The following EXOC6 variants were observed in gnomAD, a reference collection of about 807,000 sequenced individuals.
The protein encoded by EXOC6 is SEC15-like 1.
Under a neutral mutation model 112.5 loss-of-function variants are expected in EXOC6, and 60 were observed. The ratio of observed to expected loss-of-function variants is 0.53; its 90% CI spans 0.43 to 0.66. The LOEUF (loss-of-function observed/expected upper bound fraction) is 0.66, where lower values mean the gene tolerates loss of function less well. Ranked by LOEUF, EXOC6 falls within the 30% of genes least tolerant of loss-of-function variation. The probability of loss-of-function intolerance (pLI) is 0.00; values close to 1 mark genes in which losing one functional copy is unlikely to be tolerated. For missense variants in EXOC6, 855 were observed against 957.1 expected, an observed-to-expected ratio of 0.89 and a Z score of 1.41; for synonymous variants, 295 against 308.0, an observed-to-expected ratio of 0.96 and a Z score of 0.44.
intron 20 of EXOC6, among the ~76,000 whole-genome samples, chr10:93,048,059 C>T (rs1846087336): frequency 6.6e-6 from 1 of 152,164 alleles, no homozygotes; most frequent in Non-Finnish European, 1.5e-5. Context: ...GTATGACCTA[C>T]ATGAAGCTGA....
At position 92,850,955 on chromosome 10, in the gene EXOC6, TA is replaced by T. The variant is rs1473991347; in HGVS notation, c.101+2329del. Among the ~76,000 whole-genome samples, 3 of 151,636 alleles carry T rather than the reference TA, an allele frequency of 2.0e-5. No homozygotes were observed. The South Asian group carries it at 6.2e-4, about 32-fold the overall frequency. ...CAGAAGTATATTAGAAATCAGTAGT[TA>T]AAAAAAACAAAAAAACAAAAACTAT... is the stretch of plus-strand genomic sequence containing the variant. On this transcript the variant is annotated intron_variant, in intron 1 of 21. Transcript: ENST00000260762.
chr10:92,877,740 A>G (rs922637081), intron 1 of EXOC6, among the ~76,000 whole-genome samples: 7 of 152,082 alleles, frequency 4.6e-5, no homozygotes, highest in African/African-American at 7.2e-5. Flanking sequence ...TTTCCTCCAT[A>G]CTACTTCTGG....
chr10:92,902,081 T>TACACAC (rs144352636), intron 5 of EXOC6, among the ~76,000 whole-genome samples: 3 of 147,304 alleles, frequency 2.0e-5, no homozygotes, highest in African/African-American at 7.5e-5. Context: ...CACACACACA[T>TACACAC]ACACACACAC....
chr10:92,934,236 T>G, intron 10 of EXOC6, 46 bp downstream of exon 10: 2 of 1,532,352 alleles, frequency 1.3e-6, no homozygotes, highest in Non-Finnish European at 1.8e-6. Flanking sequence ...TTATATTATG[T>G]TAAATGCCAG....
At position 93,014,270 on chromosome 10, in the gene EXOC6, A is replaced by G. The variant is rs762778624; in HGVS notation, c.2169+3A>G. The G allele has an allele frequency of 2.2e-5, 36 of 1,609,434 alleles. No individual in the cohort carries two copies. The highest frequency in any genetic ancestry group is 8.8e-5 in the South Asian group (8 of 90,814). ...TAGCATTCATTGACCTCAGACAAGT[A>G]AGATATAATAATGTACTTCCCATTT... On this transcript the variant is annotated splice_donor_region_variant and intron_variant, in intron 20 of 21. Transcript: ENST00000260762.
chr10:92,910,173 G>T (rs1158960340), intron 6 of EXOC6, among the ~76,000 whole-genome samples: 1 of 152,122 alleles, frequency 6.6e-6, no homozygotes, highest in Admixed American at 6.5e-5. Context: ...ATGGGCTCAC[G>T]ATAGTCATAG....
At chr10:93,057,114 T>G (rs1322504632) in intron 21 of EXOC6, 78 bp downstream of exon 21, 8 of 771,360 alleles carry the variant, frequency 1.0e-5, no homozygotes, top group Non-Finnish European at 1.2e-5. Flanking sequence ...ACTAGAGATT[T>G]CTGTCAAAAA....
At chr10:92,875,763 TTTA>T (rs1368109555) in intron 1 of EXOC6, among the ~76,000 whole-genome samples, 2 of 152,148 alleles carry the variant, frequency 1.3e-5, no homozygotes, top group Non-Finnish European at 2.9e-5. Context: ...ATATTGAATA[TTTA>T]TTGAGCAAAG....
chr10:92,992,396 C>G (rs1589992219), intron 18 of EXOC6, among the ~76,000 whole-genome samples: 2 of 150,618 alleles, frequency 1.3e-5, no homozygotes, highest in Non-Finnish European at 2.9e-5. Context: ...CATATCTATT[C>G]TATATTATTG....
chr10:92,995,445 C>A (rs1206435616), intron 18 of EXOC6, among the ~76,000 whole-genome samples: 1 of 152,100 alleles, frequency 6.6e-6, no homozygotes, highest in African/African-American at 2.4e-5. Context: ...TATTAATCAG[C>A]TTTTGTAGTT....
At chr10:92,997,426 T>TAAAAA in intron 18 of EXOC6, 48 bp from the exon 19 acceptor site, 2 of 1,547,290 alleles carry the variant, frequency 1.3e-6, no homozygotes, top group South Asian at 1.2e-5. Context: ...ATGATGTATT[T>TAAAAA]CTATGTGTGT....
chr10:93,012,099 A>G (rs1844276968), intron 19 of EXOC6, among the ~76,000 whole-genome samples: 1 of 152,182 alleles, frequency 6.6e-6, no homozygotes, highest in African/African-American at 2.4e-5. Flanking sequence ...ACTCATTCTC[A>G]AAAGGTACAT....
At position 92,934,376 on chromosome 10, in the gene EXOC6, T is replaced by C; in HGVS notation, c.1086T>C (p.Asp362=). 1 of 1,605,120 alleles carries C rather than the reference T, an allele frequency of 6.2e-7. No individual in the cohort carries two copies. The highest frequency in any genetic ancestry group is 8.5e-7 in the Non-Finnish European group (1 of 1,176,392). ...TQGLVTRAYT[D]ELWNMALSKI... ...GATTAGTAACCAGGGCATACACTGA[T>C]GAACTTTGGAACATGGCCCTCTCAA... The change falls in exon 11 of 22, where the codon GAT becomes GAC. Residue 362 remains aspartate, a synonymous_variant. Transcript: ENST00000260762.
At chr10:92,981,398 C>T (rs1425736193) in intron 18 of EXOC6, among the ~76,000 whole-genome samples, 1 of 152,102 alleles carries the variant, frequency 6.6e-6, no homozygotes, top group Admixed American at 6.5e-5. Flanking sequence ...TAATTGTGTA[C>T]TCATTTTAAT....
upstream of EXOC6, among the ~76,000 whole-genome samples, chr10:92,847,067 A>C (rs1229321747): frequency 6.6e-6 from 1 of 152,246 alleles, no homozygotes; most frequent in Non-Finnish European, 1.5e-5. Context: ...ATTCTCCCGC[A>C]GAGTCTCTAG....
At chr10:92,981,289 T>A (rs1161250725) in intron 18 of EXOC6, among the ~76,000 whole-genome samples, 1 of 152,212 alleles carries the variant, frequency 6.6e-6, no homozygotes, top group African/African-American at 2.4e-5. Context: ...GACTGCCAAA[T>A]GGAACTCAGT....
intron 6 of EXOC6, among the ~76,000 whole-genome samples, chr10:92,911,272 G>A (rs1204646134): frequency 6.6e-6 from 1 of 151,978 alleles, no homozygotes; most frequent in Non-Finnish European, 1.5e-5. Flanking sequence ...CTTACTGGTT[G>A]TCTCTGGTCA....
intron 9 of EXOC6, among the ~76,000 whole-genome samples, chr10:92,929,171 G>A (rs1338223869): frequency 6.6e-6 from 1 of 152,194 alleles, no homozygotes; most frequent in Non-Finnish European, 1.5e-5. Context: ...CCATTATTAG[G>A]ATGAGCTAGA....
chr10:92,954,713 T>C lies in EXOC6; in HGVS notation c.1610T>C (p.Ile537Thr). The C allele has an allele frequency of 6.3e-7, 1 of 1,594,778 alleles. No homozygotes were observed. Among genetic ancestry groups the C allele is most frequent in the Non-Finnish European group, 8.6e-7 (1 of 1,163,970 alleles). ...RTLSSCLLNL[I>T]RKPHIGLTEL... ...TTGAGTAGCTGTTTACTGAACCTTATTAGAAAACCTCATATAGGTTTGACA... is the reference window on the plus strand; with the variant it reads ...TTGAGTAGCTGTTTACTGAACCTTACTAGAAAACCTCATATAGGTTTGACA... Residue 537 changes from isoleucine (I) to threonine (T), a missense_variant, in exon 16 of 22, where the codon ATT becomes ACT. This residue lies in a region of EXOC6 where 450 missense variants were observed against 563.5 expected (regional missense o/e 0.80). Transcript: ENST00000260762.
Sources: gnomAD v4.1 joint callset for allele counts (sites outside exome capture counted in the v4.1 genomes callset) on GRCh38, gnomAD v4.1.1 for gene constraint, gnomAD v4.1.1 regional missense constraint, MANE v1.5 for transcripts, NCBI Gene and HGNC (gene_info 2026-07-23, HGNC 2026-07-21) for gene names.